Variants in PPARG observed in about 807,000 individuals in gnomAD.
PPARG encodes peroxisome proliferator-activated receptor gamma.
A neutral mutation model predicts 39.2 loss-of-function variants in PPARG; 17 were observed. That is an observed-to-expected ratio of 0.43 (90% confidence interval 0.30 to 0.65). The LOEUF (loss-of-function observed/expected upper bound fraction) is 0.65, where lower values mean the gene tolerates loss of function less well. Ranked by LOEUF, PPARG falls within the 30% of genes least tolerant of loss-of-function variation. The pLI is 0.13. For missense variants in PPARG, 406 were observed against 585.9 expected, an observed-to-expected ratio of 0.69 and a Z score of 3.17; for synonymous variants, 223 against 215.7, an observed-to-expected ratio of 1.03 and a Z score of -0.30.
At chr3:12,363,361 C>A (rs1209278395) in intron 2 of PPARG, among the ~76,000 whole-genome samples, 1 of 152,224 alleles carries the variant, frequency 6.6e-6, no homozygotes, top group Non-Finnish European at 1.5e-5. Context: ...CTCATAACCA[C>A]TAGAGATCTG....
chr3:12,366,809 T>TA lies in PPARG; in HGVS notation c.-8-12892dup, dbSNP rs2049032879. 2.0e-5 allele frequency among the ~76,000 whole-genome samples: 3 copies of TA among 152,312 alleles called. No individual in the cohort carries two copies. In the South Asian group the frequency reaches 6.2e-4, roughly 32 times the overall value. Reference sequence around the variant, plus strand: ...CGGATTCAATTTGCTGATATTTTGTTAAAGATTTCTGCATGTCTGTCCATG... The same window carrying TA: ...CGGATTCAATTTGCTGATATTTTGTTAAAAGATTTCTGCATGTCTGTCCATG... On this transcript the variant is annotated intron_variant, in intron 2 of 7. Transcript: ENST00000651735.
chr3:12,328,165 A>G, intron 2 of PPARG: 1 of 1,306,286 alleles, frequency 7.7e-7, no homozygotes, highest in Non-Finnish European at 1.1e-6. Flanking sequence ...GAAGCAGCAA[A>G]TAGCGAAGAA....
At position 12,416,920 on chromosome 3, in the gene PPARG, C is replaced by G. The variant is rs1253000910; in HGVS notation, c.946C>G (p.Leu316Val). 1.2e-6 allele frequency: 2 copies of G among 1,613,970 alleles called. No individual in the cohort carries two copies. Among genetic ancestry groups the G allele is most frequent in the Non-Finnish European group, 1.7e-6 (2 of 1,180,014 alleles). Residue 316 changes from leucine (L) to valine (V), a missense_variant, in exon 7 of 8, where the codon CTC becomes GTC. Physicochemically the swap from Leu to Val is conservative, Grantham distance 32. Transcript: ENST00000651735. ...TGACTTGAACGACCAAGTAACTCTC[C>G]TCAAATATGGAGTCCACGAGATCAT... Reference protein sequence around the residue: ...NLDLNDQVTLLKYGVHEIIYT... With the variant: ...NLDLNDQVTLVKYGVHEIIYT...
chr3:12,290,310 T>C (rs181603224), intron 1 of PPARG, among the ~76,000 whole-genome samples: 120 of 152,222 alleles, frequency 7.9e-4, no homozygotes, highest in African/African-American at 2.8e-3. Context: ...CTGAAGACTT[T>C]TTGGATGTCG....
At chr3:12,369,688 T>TA (rs2049140673) in intron 2 of PPARG, among the ~76,000 whole-genome samples, 1 of 152,304 alleles carries the variant, frequency 6.6e-6, no homozygotes, top group African/African-American at 2.4e-5. Flanking sequence ...TGTCTGTGCT[T>TA]ACATTGTAGT....
intron 1 of PPARG, among the ~76,000 whole-genome samples, chr3:12,307,337 T>C (rs578231915): frequency 2.4e-3 from 369 of 152,212 alleles, no homozygotes; most frequent in Admixed American, 6.0e-3. Flanking sequence ...GACAGATCCG[T>C]GTATTTACTT....
intron 6 of PPARG, among the ~76,000 whole-genome samples, chr3:12,411,735 T>C (rs1302359706): frequency 1.3e-5 from 2 of 152,118 alleles, no homozygotes; most frequent in Non-Finnish European, 2.9e-5. Flanking sequence ...CCTTATGTCC[T>C]ATAAATCTCA....
chr3:12,337,995 A>G (rs1331344228), intron 2 of PPARG, among the ~76,000 whole-genome samples: 1 of 152,120 alleles, frequency 6.6e-6, no homozygotes, highest in African/African-American at 2.4e-5. Context: ...CCAATCCTTC[A>G]TGAATAAGGA....
At chr3:12,375,628 G>T (rs1362202093) in intron 2 of PPARG, among the ~76,000 whole-genome samples, 1 of 152,192 alleles carries the variant, frequency 6.6e-6, no homozygotes, top group Non-Finnish European at 1.5e-5. Flanking sequence ...CTGCCAAGGA[G>T]ACAGACAAAG....
chr3:12,411,039 T>C (rs1326937861), intron 6 of PPARG, among the ~76,000 whole-genome samples: 1 of 152,192 alleles, frequency 6.6e-6, no homozygotes, highest in Non-Finnish European at 1.5e-5. Flanking sequence ...GAAGTTAGGC[T>C]TCTGGGATCA....
chr3:12,362,653 T>C (rs2048886970), intron 2 of PPARG, among the ~76,000 whole-genome samples: 1 of 152,140 alleles, frequency 6.6e-6, no homozygotes, highest in African/African-American at 2.4e-5. Flanking sequence ...CCAATTATTC[T>C]TTGTCTTTTT....
intron 2 of PPARG, among the ~76,000 whole-genome samples, chr3:12,359,805 A>G (rs1575053733): frequency 6.6e-6 from 1 of 151,188 alleles, no homozygotes; most frequent in East Asian, 1.9e-4. Context: ...CTCCCGAGTA[A>G]CTGGGATTAG....
intron 2 of PPARG, among the ~76,000 whole-genome samples, chr3:12,359,759 C>G (rs944484311): frequency 6.7e-6 from 1 of 150,366 alleles, no homozygotes; most frequent in African/African-American, 2.5e-5. Flanking sequence ...ACTGCAACCT[C>G]TGCCCCCTGG....
chr3:12,410,528 C>A (rs761799174), intron 6 of PPARG, among the ~76,000 whole-genome samples: 3 of 152,226 alleles, frequency 2.0e-5, no homozygotes, highest in Admixed American at 6.5e-5. Flanking sequence ...TCCGGCTGCA[C>A]TCTGTCTGCA....
chr3:12,413,263 ACT>A (rs890011525), intron 6 of PPARG, among the ~76,000 whole-genome samples: 4 of 152,196 alleles, frequency 2.6e-5, no homozygotes, highest in African/African-American at 7.2e-5. Flanking sequence ...ATGAAAGTGA[ACT>A]CTCTGCTATC....
chr3:12,432,496 TAAAACATGTTCTCC>T (rs1395926014), intron 7 of PPARG, among the ~76,000 whole-genome samples: 1 of 152,064 alleles, frequency 6.6e-6, no homozygotes, highest in Non-Finnish European at 1.5e-5. Context: ...AAGCCAGGAG[TAAAACATGTTCTCC>T]ATAATCTATA....
intron 5 of PPARG, among the ~76,000 whole-genome samples, chr3:12,396,129 TA>T (rs1002900875): frequency 6.6e-6 from 1 of 152,116 alleles, no homozygotes; most frequent in African/African-American, 2.4e-5. Flanking sequence ...TTTTTATTAT[TA>T]TTTTTTTTTG....
chr3:12,290,608 C>CA (rs2046625376), intron 1 of PPARG, among the ~76,000 whole-genome samples: 1 of 151,994 alleles, frequency 6.6e-6, no homozygotes, highest in Non-Finnish European at 1.5e-5. Flanking sequence ...AAAGGTGTGA[C>CA]ATGAGGAATA....
chr3:12,298,045 A>T (rs542190069), intron 1 of PPARG: 176 of 152,022 alleles, frequency 1.2e-3, no homozygotes, highest in African/African-American at 4.1e-3. Context: ...CACGCCTGTA[A>T]TCCCAGCACT....
Sources: allele counts gnomAD v4.1 joint callset (sites outside exome capture counted in the v4.1 genomes callset), GRCh38; gene constraint gnomAD v4.1.1; transcripts MANE v1.5; gene names NCBI Gene and HGNC (gene_info 2026-07-23, HGNC 2026-07-21).